The following PBRM1 variants were observed in gnomAD, a reference collection of about 807,000 sequenced individuals.
PBRM1 encodes polybromo 1.
In PBRM1, 27 loss-of-function variants were observed where a neutral mutation model predicts 194.5. The observed-to-expected ratio is 0.14, with a 90% CI of 0.10 to 0.19. The LOEUF (loss-of-function observed/expected upper bound fraction) is 0.19. PBRM1 is among the 10% of genes least tolerant of loss of function. The pLI is 1.00. For missense variants in PBRM1, 1,466 were observed against 2,077.2 expected (o/e 0.71, Z 5.72); for synonymous variants, 655 against 693.2 (o/e 0.94, Z 0.87).
intron 17 of PBRM1, 112 bp downstream of exon 19, chr3:52,603,409 C>A: frequency 9.3e-7 from 1 of 1,080,966 alleles, no homozygotes; most frequent in African/African-American, 1.6e-5. Flanking sequence ...CTAATATAGT[C>A]AATACCCTGA....
chr3:52,638,807 C>T (rs1392516939), intron 10 of PBRM1, among the ~76,000 whole-genome samples: 4 of 151,860 alleles, frequency 2.6e-5, no homozygotes, highest in African/African-American at 9.7e-5. Flanking sequence ...CTATGTTGCC[C>T]AGGCTGGTCT....
At chr3:52,606,160 G>T (rs1228684538) in intron 16 of PBRM1, among the ~76,000 whole-genome samples, 1 of 151,880 alleles carries the variant, frequency 6.6e-6, no homozygotes, top group Non-Finnish European at 1.5e-5. Context: ...CACCAAGCTT[G>T]GCTGATTTTT....
chr3:52,659,318 G>T (rs1275979493), intron 4 of PBRM1, among the ~76,000 whole-genome samples: 1 of 152,130 alleles, frequency 6.6e-6, no homozygotes, highest in Admixed American at 6.5e-5. Flanking sequence ...ATCATTTTTT[G>T]TACATATAAA....
At position 52,676,143 on chromosome 3, in the gene PBRM1, AAAAAAAAAAT is replaced by A. The variant is rs2097097961; in HGVS notation, c.236+2347_236+2356del. Among the ~76,000 whole-genome samples, 4 of 30,598 alleles carry A rather than the reference AAAAAAAAAAT, an allele frequency of 1.3e-4. No individual in the cohort carries two copies. In the Admixed American group the frequency reaches 1.6e-3, roughly 12 times the overall value. 20.1% of individuals were successfully genotyped at this position (30,598 alleles called of 152,430 possible). A position where few individuals can be genotyped will look rare whatever the true frequency, so the allele number is the denominator to read the frequency against. ...AAAAAAAAAAAAAAAAAAAAAAAAA[AAAAAAAAAAT>A]AATGAATGAAGCGGGATCCTTACCT... On this transcript the variant is annotated intron_variant, in intron 2 of 29. Transcript: ENST00000296302.
intron 2 of PBRM1, among the ~76,000 whole-genome samples, chr3:52,674,678 A>G (rs1341015743): frequency 1.1e-4 from 16 of 147,682 alleles, no homozygotes; most frequent in Non-Finnish European, 3.0e-5. Context: ...ACACACACAC[A>G]CACATATATC....
At chr3:52,587,068 T>G (rs959160745) in intron 19 of PBRM1, among the ~76,000 whole-genome samples, 1 of 152,116 alleles carries the variant, frequency 6.6e-6, no homozygotes. Context: ...AACTGAAAAT[T>G]TGTAATGATT....
At chr3:52,611,659 G>A (rs2094615206) in intron 15 of PBRM1, among the ~76,000 whole-genome samples, 1 of 151,868 alleles carries the variant, frequency 6.6e-6, no homozygotes, top group Non-Finnish European at 1.5e-5. Context: ...AAAAAAATGA[G>A]CTGGACGTGG....
intron 13 of PBRM1, among the ~76,000 whole-genome samples, chr3:52,621,829 A>ACTGCTTGAGCCCAGGT (rs2095287490): frequency 6.6e-6 from 1 of 152,136 alleles, no homozygotes; most frequent in Non-Finnish European, 1.5e-5. Flanking sequence ...AAGTGGGAGG[A>ACTGCTTGAGCCCAGGT]CTGCTTGAGC....
intron 10 of PBRM1, among the ~76,000 whole-genome samples, chr3:52,636,360 C>G (rs1050293090): frequency 6.6e-6 from 1 of 152,064 alleles, no homozygotes; most frequent in African/African-American, 2.4e-5. Context: ...CTCATTTCCC[C>G]AAACTCCTAA....
exon 24 of PBRM1, chr3:52,563,486 T>C (rs767705285): frequency 1.8e-5 from 29 of 1,613,440 alleles, no homozygotes; most frequent in East Asian, 6.7e-5. Flanking sequence ...TGAGGAACAA[T>C]TGGTTTTCTG....
chr3:52,618,149 C>T (rs190773776), intron 13 of PBRM1, among the ~76,000 whole-genome samples: 272 of 152,264 alleles, frequency 1.8e-3, no homozygotes, highest in Middle Eastern at 6.8e-3. Context: ...TTCCACAGTT[C>T]CAACCTACTT....
At chr3:52,685,837 C>G (rs2097305259), upstream of PBRM1, 1 of 478,098 alleles carries the variant, frequency 2.1e-6, no homozygotes, top group Non-Finnish European at 3.7e-6. Context: ...TATTGCTCCT[C>G]CGGCCGCGGC....
chr3:52,613,771 C>T (rs1363954426), intron 15 of PBRM1, among the ~76,000 whole-genome samples: 1 of 152,058 alleles, frequency 6.6e-6, no homozygotes, highest in African/African-American at 2.4e-5. Flanking sequence ...AGGAGGGTCG[C>T]TTGAGCCCAG....
At chr3:52,649,814 G>A (rs149517180) in intron 6 of PBRM1, among the ~76,000 whole-genome samples, 3 of 152,258 alleles carry the variant, frequency 2.0e-5, no homozygotes, top group Admixed American at 6.5e-5. Flanking sequence ...GATTATTCCA[G>A]TAATTTGGAC....
At chr3:52,684,645 T>C (rs1450644572), upstream of PBRM1, among the ~76,000 whole-genome samples, 1 of 152,238 alleles carries the variant, frequency 6.6e-6, no homozygotes, top group African/African-American at 2.4e-5. Flanking sequence ...TGTGTTTTAG[T>C]GAAGGTTCTT....
At chr3:52,601,603 T>G (rs1198473884) in intron 17 of PBRM1, among the ~76,000 whole-genome samples, 2 of 144,730 alleles carry the variant, frequency 1.4e-5, no homozygotes, top group Non-Finnish European at 3.0e-5. Context: ...GGGGAGGAGG[T>G]GGGGGTGCCT....
At chr3:52,587,108 T>C (rs1281167534) in intron 19 of PBRM1, among the ~76,000 whole-genome samples, 1 of 152,162 alleles carries the variant, frequency 6.6e-6, no homozygotes, top group Non-Finnish European at 1.5e-5. Flanking sequence ...ACTTAAAAAT[T>C]AGCCTGGCAA....
At chr3:52,561,577 T>C (rs1040019737) in intron 25 of PBRM1, among the ~76,000 whole-genome samples, 190 bp downstream of exon 27, 1 of 152,162 alleles carries the variant, frequency 6.6e-6, no homozygotes, top group African/African-American at 2.4e-5. Flanking sequence ...AGAGGCCAAG[T>C]CAGGGGCAGT....
At chr3:52,634,498 T>C in intron 11 of PBRM1, 104 bp downstream of exon 12, 1 of 726,274 alleles carries the variant, frequency 1.4e-6, no homozygotes, top group Non-Finnish European at 2.3e-6. Context: ...AAAAACACCA[T>C]TTTTACCTTT....
Sources: gnomAD v4.1 joint callset for allele counts (sites outside exome capture counted in the v4.1 genomes callset) on GRCh38, gnomAD v4.1.1 for gene constraint, MANE v1.5 for transcripts, NCBI Gene and HGNC (gene_info 2026-07-23, HGNC 2026-07-21) for gene names.